RMND5B: variants seen among roughly 807,000 people sequenced by gnomAD.
RMND5B encodes the protein required for meiotic nuclear division 5 homolog B.
A neutral mutation model predicts 50.4 loss-of-function variants in RMND5B; 42 were observed. The observed-to-expected ratio is 0.83, with a 90% confidence interval of 0.65 to 1.08. The LOEUF is 1.08. Among genes scored for constraint, RMND5B ranks in the 50% least tolerant of loss-of-function variants. The pLI is 0.00. For missense variants in RMND5B, 463 were observed against 508.5 expected (o/e 0.91, Z 0.86); for synonymous variants, 220 against 210.0 (o/e 1.05, Z -0.41).
chr5:178,146,616 A>G (rs1440474798), intron 8 of RMND5B: 2 of 252,876 alleles, frequency 7.9e-6, no homozygotes, highest in African/African-American at 2.2e-5. Flanking sequence ...CGCCTTCCTC[A>G]TGACCTAATG....
intron 5 of RMND5B, 92 bp downstream of exon 5, chr5:178,143,084 CATTT>C: frequency 7.1e-7 from 1 of 1,413,764 alleles, no homozygotes; most frequent in Non-Finnish European, 9.5e-7. Flanking sequence ...TTCTCAAATC[CATTT>C]ATTTCCTAAA....
At chr5:178,132,877 G>C (rs1270143893) in intron 2 of RMND5B, among the ~76,000 whole-genome samples, 1 of 49,950 alleles carries the variant, frequency 2.0e-5, no homozygotes, top group Non-Finnish European at 4.3e-5. Context: ...TTGTTTGTTT[G>C]TTTTTTTGAG....
In RMND5B at chr5:178,138,038, G is replaced by A; in HGVS notation, c.-12-70G>A. The A allele has an allele frequency of 7.2e-7, 1 of 1,391,406 alleles. No individual in the cohort carries two copies. The highest frequency in any genetic ancestry group is 2.5e-5 in the East Asian group (1 of 39,946). The allele number at this position is 1,391,406 out of a possible 1,614,324, so 86.2% of individuals were successfully genotyped here. On this transcript the variant is annotated intron_variant, in intron 2 of 10. Coordinates refer to ENST00000313386, the MANE Select transcript of RMND5B (RefSeq NM_022762.5). This position sits in a 1 kb window ranked among gnomAD's most constrained non-coding sequence, Gnocchi z 5.1. Reference sequence around the variant, plus strand: ...GGAATGGTGAGAGGGATCTGAAGAGGTGGTCTGGGCACCCTGCCTGCCATG... The same window carrying A: ...GGAATGGTGAGAGGGATCTGAAGAGATGGTCTGGGCACCCTGCCTGCCATG...
rs1470879778 is a variant in RMND5B, at chr5:178,148,716, C to A, written c.*684C>A. On this transcript the variant is annotated 3_prime_UTR_variant, in exon 11 of 11. Coordinates refer to ENST00000313386, the MANE Select transcript of RMND5B (RefSeq NM_022762.5). ...GGCAGGAAGAACACAACTTGCATCC[C>A]TGACTGCGGGGAGCTTAGATGTCAG... 2.0e-5 allele frequency: 3 copies of A among 153,160 alleles called. No individual in the cohort carries two copies. The highest frequency in any genetic ancestry group is 4.4e-5 in the Non-Finnish European group (3 of 68,848). 9.5% of individuals were successfully genotyped at this position (153,160 alleles called of 1,614,324 possible). A position where few individuals can be genotyped will look rare whatever the true frequency, so the allele number is the denominator to read the frequency against.
At position 178,148,367 on chromosome 5, in the gene RMND5B, GC is replaced by G. The variant is rs1182970581; in HGVS notation, c.*338del. ...CAGCAGTAGACATCCTTCCACCCCT[GC>G]CCTCAGCCAAGTCTCTTGCTGCCAT... On this transcript the variant is annotated 3_prime_UTR_variant, in exon 11 of 11. Transcript: ENST00000313386. 1 of 386,726 alleles carries G rather than the reference GC, an allele frequency of 2.6e-6. No homozygotes were observed. The highest frequency in any genetic ancestry group is 4.9e-6 in the Non-Finnish European group (1 of 205,002). 24.0% of individuals were successfully genotyped at this position (386,726 alleles called of 1,614,324 possible). A position where few individuals can be genotyped will look rare whatever the true frequency, so the allele number is the denominator to read the frequency against.
chr5:178,147,936 C>T (rs963269498), intron 10 of RMND5B, 33 bp from the exon 11 acceptor site: 1 of 1,613,958 alleles, frequency 6.2e-7, no homozygotes, highest in East Asian at 2.2e-5. Context: ...ACTGGCCACC[C>T]CTGAGACGTT....
rs998245339 is a variant in RMND5B, at chr5:178,147,784, T to C, written c.1019T>C (p.Ile340Thr). Residue 340 changes from isoleucine to threonine, a missense_variant, in exon 10 of 11, where the codon ATC becomes ACC. Physicochemically the swap from Ile to Thr is moderately conservative, Grantham distance 89 (BLOSUM62 -1). Coordinates refer to ENST00000313386, the MANE Select transcript of RMND5B (RefSeq NM_022762.5). ...CWYHSVFACP[I>T]LRQQTSDSNP... The stretch of plus-strand genomic sequence containing the variant: ...TACCACTCCGTGTTCGCTTGCCCCA[T>C]CCTCCGCCAGCAGACGTCAGATTCC... 6.2e-7 allele frequency: 1 copy of C among 1,614,080 alleles called. No homozygotes were observed. The highest frequency in any genetic ancestry group is 1.7e-5 in the Admixed American group (1 of 59,990).
At position 178,147,964 on chromosome 5, in the gene RMND5B, T is replaced by G. The variant is rs764090850; in HGVS notation, c.1119-5T>G. The stretch of plus-strand genomic sequence containing the variant: ...GAGACGTTCTCGGTTCTCCTCCCTT[T>G]GCAGGCTGAAGTGTCCCTACTGTCC... On this transcript the variant is annotated splice_polypyrimidine_tract_variant and splice_region_variant and intron_variant, in intron 10 of 10. Transcript: ENST00000313386. The G allele has an allele frequency of 6.2e-7, 1 of 1,614,166 alleles. No homozygotes were observed. The highest frequency in any genetic ancestry group is 2.2e-5 in the East Asian group (1 of 44,882).
chr5:178,143,703 A>G lies in RMND5B; in HGVS notation c.503A>G (p.Glu168Gly). 3 of 1,614,116 alleles carry G rather than the reference A, an allele frequency of 1.9e-6. No homozygotes were observed. Among genetic ancestry groups the G allele is most frequent in the Non-Finnish European group, 2.5e-6 (3 of 1,179,948 alleles). ...ELNRILEALH[E>G]QDLGPALEWA... ...AATCGAATCCTGGAAGCCCTGCACG[A>G]ACAAGACCTGGGTCCTGCGTTGGAG... Residue 168 changes from glutamate (E) to glycine (G), a missense_variant, in exon 6 of 11, where the codon GAA (glutamate) becomes GGA (glycine). Coordinates refer to ENST00000313386, the MANE Select transcript of RMND5B (RefSeq NM_022762.5).
Position 178,143,688 on chromosome 5 carries a change from T to C in RMND5B, c.488T>C (p.Leu163Pro). Residue 163 changes from leucine (L) to proline (P), a missense_variant, in exon 6 of 11, where the codon CTG becomes CCG. Leu to Pro is a moderately conservative substitution (Grantham distance 98). Coordinates refer to ENST00000313386, the MANE Select transcript of RMND5B (RefSeq NM_022762.5). ...CCTTTCCTAGAGTTGAATCGAATCC[T>C]GGAAGCCCTGCACGAACAAGACCTG... ...KQPFLELNRI[L>P]EALHEQDLGP... 6.2e-7 allele frequency: 1 copy of C among 1,614,176 alleles called. No homozygotes were observed. The highest frequency in any genetic ancestry group is 8.5e-7 in the Non-Finnish European group (1 of 1,179,992).
chr5:178,147,928 T>C, intron 10 of RMND5B, 41 bp from the exon 11 acceptor site: 8 of 1,614,102 alleles, frequency 5.0e-6, no homozygotes, highest in Non-Finnish European at 5.1e-6. Context: ...GCTCTCCTAC[T>C]GGCCACCCCT....
intron 7 of RMND5B, among the ~76,000 whole-genome samples, chr5:178,144,997 A>AT (rs1327997455): frequency 6.6e-6 from 1 of 152,034 alleles, no homozygotes; most frequent in Non-Finnish European, 1.5e-5. Context: ...TCCACCTCAT[A>AT]TTTATTATTT....
intron 5 of RMND5B, 135 bp from the exon 6 acceptor site, chr5:178,143,492 C>A: frequency 1.4e-6 from 1 of 695,378 alleles, no homozygotes; most frequent in Non-Finnish European, 2.5e-6. Flanking sequence ...AAGTGGCTGG[C>A]AGGAGACCAA....
intron 8 of RMND5B, 125 bp from the exon 9 acceptor site, chr5:178,147,408 G>A (rs1756074665): frequency 3.0e-6 from 2 of 664,694 alleles, no homozygotes; most frequent in Admixed American, 2.7e-5. Context: ...GATCTTTGAG[G>A]ACCGATTTGA....
chr5:178,142,259 T>A, intron 3 of RMND5B: 2 of 274,964 alleles, frequency 7.3e-6, no homozygotes, highest in South Asian at 6.6e-5. Context: ...TTAAACAGAA[T>A]CCTATGCATG....
chr5:178,135,976 C>G (rs1199527787), intron 2 of RMND5B: 1 of 152,222 alleles, frequency 6.6e-6, no homozygotes, highest in African/African-American at 2.4e-5. Flanking sequence ...TTAATGGTTG[C>G]TGTACACTCA....
In RMND5B at chr5:178,143,609, T is replaced by C. The variant is rs551987106; in HGVS notation, c.427-18T>C. 6.3e-6 allele frequency: 10 copies of C among 1,585,144 alleles called. No individual in the cohort carries two copies. The highest frequency in any genetic ancestry group is 7.8e-6 in the Non-Finnish European group (9 of 1,153,808). On this transcript the variant is annotated intron_variant, in intron 5 of 10. Transcript: ENST00000313386. ...CACCATCTTCCAGTGGTGGGATCTCTTCTCTCTCTCCTTGTAGGAATCAAC... is the reference window on the plus strand; with the variant it reads ...CACCATCTTCCAGTGGTGGGATCTCCTCTCTCTCTCCTTGTAGGAATCAAC...
At chr5:178,141,939 T>A (rs1561635096) in intron 3 of RMND5B, 1 of 152,844 alleles carries the variant, frequency 6.5e-6, no homozygotes, top group African/African-American at 2.4e-5. Flanking sequence ...CAAGGAATCA[T>A]ACCACATGTA....
chr5:178,146,081 C>T (rs763054568), intron 7 of RMND5B, 33 bp from the exon 8 acceptor site: 7 of 1,610,370 alleles, frequency 4.3e-6, no homozygotes, highest in Admixed American at 1.7e-5. Flanking sequence ...GAGCCCTGCA[C>T]CCCCTGAGCT....
Sources: allele counts gnomAD v4.1 joint callset (sites outside exome capture counted in the v4.1 genomes callset), GRCh38; gene constraint gnomAD v4.1.1; non-coding constraint Gnocchi (gnomAD v3.1); transcripts MANE v1.5; gene names NCBI Gene and HGNC (gene_info 2026-07-23, HGNC 2026-07-21).